Variants in BTNL3 observed in about 807,000 individuals in gnomAD.
The protein encoded by BTNL3 is butyrophilin-like protein 3.
In BTNL3, 20 loss-of-function variants were observed where a neutral mutation model predicts 40.1. That is an observed-to-expected ratio of 0.50 (90% CI 0.35 to 0.72). The LOEUF is 0.72. Among genes scored for constraint, BTNL3 ranks in the 30% least tolerant of loss-of-function variants. The pLI is 0.01. For missense variants in BTNL3, 449 were observed against 582.2 expected, an observed-to-expected ratio of 0.77 and a Z score of 2.35; for synonymous variants, 179 against 222.1, an observed-to-expected ratio of 0.81 and a Z score of 1.73.
Position 180,998,356 on chromosome 5 carries a change from T to G in BTNL3, c.673+868T>G, listed in dbSNP as rs1038288760. Among the ~76,000 whole-genome samples, 4 of 135,834 alleles carry G rather than the reference T, an allele frequency of 2.9e-5. 1 individual carries two copies. The highest frequency in any genetic ancestry group is 6.7e-5 in the Non-Finnish European group (4 of 59,622). 89.1% of individuals were successfully genotyped at this position (135,834 alleles called of 152,430 possible). Reference sequence around the variant, plus strand: ...TATATATACATGTACCTTATACATGTAAAACATAGAAAATATCAACAGAAA... The same window carrying G: ...TATATATACATGTACCTTATACATGGAAAACATAGAAAATATCAACAGAAA... On this transcript the variant is annotated intron_variant, in intron 3 of 7. Coordinates refer to ENST00000342868, the MANE Select transcript of BTNL3 (RefSeq NM_197975.3).
rs1189021456 is a variant in BTNL3 at position 181,001,505 on chromosome 5, G to GGGC, written c.674-1165_674-1164insCGG. ...ATTTTAAATATTTTTATAGATGGGG[G>GGGC]GGGGTCTCACTTTGTTGCCTAGACT... On this transcript the variant is annotated intron_variant, in intron 3 of 7. Transcript: ENST00000342868. Among the ~76,000 whole-genome samples, 7 of 129,360 alleles carry GGGC rather than the reference G, an allele frequency of 5.4e-5. 1 individual carries two copies. Among genetic ancestry groups the GGGC allele is most frequent in the African/African-American group, 1.9e-4 (7 of 37,556 alleles). 84.9% of individuals were successfully genotyped at this position (129,360 alleles called of 152,430 possible).
intron 7 of BTNL3, 114 bp downstream of exon 7, chr5:181,004,876 G>C: frequency 1.3e-6 from 2 of 1,589,502 alleles, no homozygotes; most frequent in South Asian, 1.1e-5. Flanking sequence ...ATCCACCCCA[G>C]GGTGCAGCTG....
In BTNL3 at chr5:181,004,874, C is replaced by T. The variant is rs1760190731; in HGVS notation, c.862+112C>T. ...AAATCTGTGATGCCCGAATCCACCC[C>T]AGGGTGCAGCTGCCTCTAAATACAC... On this transcript the variant is annotated intron_variant, in intron 7 of 7. Coordinates refer to ENST00000342868, the MANE Select transcript of BTNL3 (RefSeq NM_197975.3). 8 of 1,592,160 alleles carry T rather than the reference C, an allele frequency of 5.0e-6. No individual in the cohort carries two copies. The Admixed American group carries it at 1.0e-4, about 21-fold the overall frequency.
In BTNL3 at chr5:180,988,862, C is replaced by A. The variant is rs376930942; in HGVS notation, c.-167C>A. 6.8e-5 allele frequency: 54 copies of A among 791,464 alleles called. 10 individuals carry two copies. Among genetic ancestry groups the A allele is most frequent in the Non-Finnish European group, 1.0e-4 (54 of 515,022 alleles). 49.0% of individuals were successfully genotyped at this position (791,464 alleles called of 1,614,324 possible). ...CCAGTGCCCATACTCCTCATTCATA[C>A]AGCCATGTTTAGGGAGGCTCTAGGG... is the stretch of plus-strand genomic sequence containing the variant. On this transcript the variant is annotated 5_prime_UTR_variant, in exon 1 of 8. Coordinates refer to ENST00000342868, the MANE Select transcript of BTNL3 (RefSeq NM_197975.3).
Position 181,005,355 on chromosome 5 carries a change from A to T in BTNL3, c.884A>T (p.Glu295Val). The stretch of plus-strand genomic sequence containing the variant: ...CCAGTGGAGGTGACTCTGGATCCAG[A>T]GACGGCTCACCCGAAGCTCTGCGTT... ...KHAVEVTLDPETAHPKLCVSD... is the reference protein window; with the variant it reads ...KHAVEVTLDPVTAHPKLCVSD... The change falls in exon 8 of 8, where the codon GAG becomes GTG. Residue 295 changes from glutamate to valine, a missense_variant. By Grantham distance (121) the Glu-to-Val change is moderately radical. Around this residue, in one of 2 missense-constraint regions of BTNL3, gnomAD observed 323 missense variants for 464.9 expected, o/e 0.69. Coordinates refer to ENST00000342868, the MANE Select transcript of BTNL3 (RefSeq NM_197975.3). 1 of 1,611,964 alleles carries T rather than the reference A, an allele frequency of 6.2e-7. No individual in the cohort carries two copies. The highest frequency in any genetic ancestry group is 8.5e-7 in the Non-Finnish European group (1 of 1,179,390).
In BTNL3 at chr5:180,994,782, A is replaced by ATT. The variant is rs200903601; in HGVS notation, c.397+1637_397+1638dup. Among the ~76,000 whole-genome samples, 53 of 120,612 alleles carry ATT rather than the reference A, an allele frequency of 4.4e-4. 4 individuals carry two copies. Among genetic ancestry groups the ATT allele is most frequent in the South Asian group, 3.2e-3 (13 of 4,094 alleles). The allele number at this position is 120,612 out of a possible 152,430, so 79.1% of individuals were successfully genotyped here. On this transcript the variant is annotated intron_variant, in intron 2 of 7. Transcript: ENST00000342868. ...CATTGTTGTATCCTGGAGTTCAATA[A>ATT]TTTTTTTTTTTTTTTTATGAGATGG... is the stretch of plus-strand genomic sequence containing the variant.
intron 3 of BTNL3, among the ~76,000 whole-genome samples, chr5:180,999,754 C>A (rs984619826): frequency 7.3e-6 from 1 of 136,528 alleles, no homozygotes; most frequent in Non-Finnish European, 1.7e-5. Context: ...GAGCTGAGAT[C>A]GCCCCACTGT....
At chr5:181,005,290 G>A (rs10068582) in intron 7 of BTNL3, 44 bp from the exon 8 acceptor site, 23 of 1,602,294 alleles carry the variant, frequency 1.4e-5, no homozygotes, top group Admixed American at 1.3e-4. Flanking sequence ...CCCAGATTTC[G>A]TCTTCAGTAA....
At position 181,005,864 on chromosome 5, in the gene BTNL3, T is replaced by C. The variant is rs1760220738; in HGVS notation, c.1393T>C (p.Trp465Arg). 6.2e-7 allele frequency: 1 copy of C among 1,600,828 alleles called. No homozygotes were observed. The highest frequency in any genetic ancestry group is 1.7e-5 in the Admixed American group (1 of 59,088). The change falls in exon 8 of 8, where the codon TGG becomes CGG. Residue 465 changes from tryptophan to arginine, a missense_variant. Coordinates refer to ENST00000342868, the MANE Select transcript of BTNL3 (RefSeq NM_197975.3). ...TCCCATATTCATATGTCCAGTGTCC[T>C]GGGGATGAGACAGAGAAGACCCTGC... The part of the protein sequence containing the change: ...GTPIFICPVS[W>R]G
At position 180,992,853 on chromosome 5, in the gene BTNL3, C is replaced by T. The variant is rs760974807; in HGVS notation, c.90C>T (p.Ala30=). 6.2e-6 allele frequency: 9 copies of T among 1,463,136 alleles called. 4 individuals carry two copies. In the Admixed American group the frequency reaches 1.3e-4, roughly 21 times the overall value. The allele number at this position is 1,463,136 out of a possible 1,614,324, so 90.6% of individuals were successfully genotyped here. A position where few individuals can be genotyped will look rare whatever the true frequency, so the allele number is the denominator to read the frequency against. Residue 30 remains alanine, a synonymous_variant, in exon 2 of 8, where the codon GCC becomes GCT. Coordinates refer to ENST00000342868, the MANE Select transcript of BTNL3 (RefSeq NM_197975.3). ...QVTGPGKFVQ[A]LVGEDAVFSC... is the part of the protein sequence containing the mutation. Reference sequence around the variant, plus strand: ...CTGGACCGGGCAAGTTTGTCCAGGCCTTGGTGGGGGAGGACGCCGTGTTCT... The same window carrying T: ...CTGGACCGGGCAAGTTTGTCCAGGCTTTGGTGGGGGAGGACGCCGTGTTCT...
chr5:180,994,984 T>C lies in BTNL3; in HGVS notation c.397+1824T>C, dbSNP rs776281556. ...TTGTATTTTTAGTAGAGACGGGGTT[T>C]CACCGTGTTAACCAGGATGGTCTTG... On this transcript the variant is annotated intron_variant, in intron 2 of 7. Transcript: ENST00000342868. Among the ~76,000 whole-genome samples, 3 of 135,450 alleles carry C rather than the reference T, an allele frequency of 2.2e-5. 1 individual carries two copies. Among genetic ancestry groups the C allele is most frequent in the Non-Finnish European group, 3.4e-5 (2 of 59,422 alleles). The allele number at this position is 135,450 out of a possible 152,430, so 88.9% of individuals were successfully genotyped here.
rs759954022 is a variant in BTNL3 at position 180,988,980 on chromosome 5, C to A, written c.-49C>A. 7.0e-7 allele frequency: 1 copy of A among 1,427,718 alleles called. No individual in the cohort carries two copies. Among genetic ancestry groups the A allele is most frequent in the Non-Finnish European group, 9.6e-7 (1 of 1,040,024 alleles). 88.4% of individuals were successfully genotyped at this position (1,427,718 alleles called of 1,614,324 possible). A position where few individuals can be genotyped will look rare whatever the true frequency, so the allele number is the denominator to read the frequency against. The stretch of plus-strand genomic sequence containing the variant: ...CTGACCTCCAAATCATCCATCCACC[C>A]CTGCTGTCATCTGTTTTCATAGTGT... On this transcript the variant is annotated 5_prime_UTR_variant, in exon 1 of 8. Coordinates refer to ENST00000342868, the MANE Select transcript of BTNL3 (RefSeq NM_197975.3).
Position 180,997,958 on chromosome 5 carries a change from A to G in BTNL3, c.673+470A>G, listed in dbSNP as rs1446433848. 1.5e-5 allele frequency among the ~76,000 whole-genome samples: 2 copies of G among 136,640 alleles called. 1 individual carries two copies. Among genetic ancestry groups the G allele is most frequent in the Non-Finnish European group, 3.3e-5 (2 of 59,800 alleles). 89.6% of individuals were successfully genotyped at this position (136,640 alleles called of 152,430 possible). A position where few individuals can be genotyped will look rare whatever the true frequency, so the allele number is the denominator to read the frequency against. ...ATTGAATTTGCCAGTTAAAAGACAAAGAATCTCAGACTGGATTTAAAAATC... is the reference window on the plus strand; with the variant it reads ...ATTGAATTTGCCAGTTAAAAGACAAGGAATCTCAGACTGGATTTAAAAATC... On this transcript the variant is annotated intron_variant, in intron 3 of 7. Coordinates refer to ENST00000342868, the MANE Select transcript of BTNL3 (RefSeq NM_197975.3).
chr5:181,001,713 C>T lies in BTNL3; in HGVS notation c.674-959C>T, dbSNP rs895161046. On this transcript the variant is annotated intron_variant, in intron 3 of 7. Coordinates refer to ENST00000342868, the MANE Select transcript of BTNL3 (RefSeq NM_197975.3). ...ACAAAAAATTAGCTAGGCGTGGTGG[C>T]GGGCGCCTGTAGTCCCAGCCACTCA... is the stretch of plus-strand genomic sequence containing the variant. Among the ~76,000 whole-genome samples the T allele has an allele frequency of 6.0e-5, 8 of 133,764 alleles. 2 individuals are homozygous for T. In the South Asian group the frequency reaches 8.9e-4, roughly 15 times the overall value. The allele number at this position is 133,764 out of a possible 152,430, so 87.8% of individuals were successfully genotyped here.
rs1465876010 is a variant in BTNL3 at position 180,999,703 on chromosome 5, G to A, written c.673+2215G>A. On this transcript the variant is annotated intron_variant, in intron 3 of 7. Transcript: ENST00000342868. ...TAATCCCAGCTACTCTGGAGGCTGA[G>A]GCTGGAGAATCACTTAAATCCAGGA... Among the ~76,000 whole-genome samples the A allele has an allele frequency of 2.2e-5, 3 of 136,678 alleles. 1 individual carries two copies. The highest frequency in any genetic ancestry group is 5.0e-5 in the Non-Finnish European group (3 of 59,820). 89.7% of individuals were successfully genotyped at this position (136,678 alleles called of 152,430 possible).
At chr5:180,989,658 T>C (rs1378598016) in intron 1 of BTNL3, among the ~76,000 whole-genome samples, 1 of 134,964 alleles carries the variant, frequency 7.4e-6, no homozygotes, top group Non-Finnish European at 1.7e-5. Context: ...CAAAGCCTGG[T>C]GTATAGGATA....
At chr5:181,000,254 C>A in intron 3 of BTNL3, among the ~76,000 whole-genome samples, 1 of 136,244 alleles carries the variant, frequency 7.3e-6, no homozygotes, top group East Asian at 2.2e-4. Flanking sequence ...TAACATAATT[C>A]GTTAAAAGAG....
chr5:180,992,887 C>A lies in BTNL3; in HGVS notation c.124C>A (p.Leu42Ile). ...VGEDAVFSCS[L>I]FPETSAEAME... ...GGAGGACGCCGTGTTCTCCTGCTCC[C>A]TCTTTCCTGAGACCAGTGCAGAGGC... is the stretch of plus-strand genomic sequence containing the variant. Residue 42 changes from leucine (L) to isoleucine (I), a missense_variant, in exon 2 of 8, where the codon CTC becomes ATC. By Grantham distance (5) the Leu-to-Ile change is conservative. Transcript: ENST00000342868. 1 of 1,463,458 alleles carries A rather than the reference C, an allele frequency of 6.8e-7. No homozygotes were observed. The highest frequency in any genetic ancestry group is 9.4e-7 in the Non-Finnish European group (1 of 1,058,982). 90.7% of individuals were successfully genotyped at this position (1,463,458 alleles called of 1,614,324 possible). A position where few individuals can be genotyped will look rare whatever the true frequency, so the allele number is the denominator to read the frequency against.
rs758607525 is a variant in BTNL3 at position 180,999,999 on chromosome 5, G to A, written c.673+2511G>A. On this transcript the variant is annotated intron_variant, in intron 3 of 7. Coordinates refer to ENST00000342868, the MANE Select transcript of BTNL3 (RefSeq NM_197975.3). The stretch of plus-strand genomic sequence containing the variant: ...GAGAAAATGTATCTTTCAGAAAGTC[G>A]GCCAGAGAGCAGAAAAATAGGAAAT... Among the ~76,000 whole-genome samples, 20 of 135,672 alleles carry A rather than the reference G, an allele frequency of 1.5e-4. 5 individuals carry two copies. The highest frequency in any genetic ancestry group is 2.5e-4 in the Non-Finnish European group (15 of 59,496). 89.0% of individuals were successfully genotyped at this position (135,672 alleles called of 152,430 possible).
Sources: allele counts gnomAD v4.1 joint callset (sites outside exome capture counted in the v4.1 genomes callset), GRCh38; gene constraint gnomAD v4.1.1; regional missense constraint gnomAD v4.1.1; transcripts MANE v1.5; gene names NCBI Gene and HGNC (gene_info 2026-07-23, HGNC 2026-07-21).